The following RGPD3 variants were observed in gnomAD, a reference collection of about 807,000 sequenced individuals.
The protein encoded by RGPD3 is RANBP2 like and GRIP domain containing 3.
RGPD3 carries 62 observed loss-of-function variants against 154.5 expected under a neutral mutation model. The ratio of observed to expected loss-of-function variants is 0.40; its 90% CI spans 0.33 to 0.50. The LOEUF (loss-of-function observed/expected upper bound fraction) is 0.50. Ranked by LOEUF, RGPD3 falls within the 20% of genes least tolerant of loss-of-function variation. The pLI is 0.59. For synonymous variants in RGPD3, 308 were observed against 607.0 expected, an observed-to-expected ratio of 0.51 and a Z score of 7.24; for missense variants, 919 against 1,716.8, an observed-to-expected ratio of 0.54 and a Z score of 8.21.
intron 20 of RGPD3, among the ~76,000 whole-genome samples, chr2:106,420,626 A>G (rs1352572719): frequency 6.6e-6 from 1 of 152,292 alleles, no homozygotes; most frequent in African/African-American, 2.4e-5. Context: ...ATAATGTAAA[A>G]TATCATTAAT....
In RGPD3 at chr2:106,457,028, G is replaced by A. The variant is rs1678246583; in HGVS notation, c.348C>T (p.Tyr116=). The change falls in exon 4 of 23, where the codon TAC becomes TAT. Residue 116 remains tyrosine, a synonymous_variant. Transcript: ENST00000409886. ...KNDVTDGRAE[Y]WVERAAKLFP... ...AAAGTTTTGCTGCTCTTTCCACCCA[G>A]TATTCTGCTCTTCCATCAGTAACAT... is the stretch of plus-strand genomic sequence containing the variant. 6.2e-7 allele frequency: 1 copy of A among 1,611,356 alleles called. No homozygotes were observed. Among genetic ancestry groups the A allele is most frequent in the Non-Finnish European group, 8.5e-7 (1 of 1,179,586 alleles).
At chr2:106,440,392 C>T (rs1677701468) in intron 8 of RGPD3, among the ~76,000 whole-genome samples, 2 of 151,222 alleles carry the variant, frequency 1.3e-5, no homozygotes, top group African/African-American at 4.9e-5. Flanking sequence ...TACAGAGGCA[C>T]CCTCGGGATG....
chr2:106,469,930 A>G (rs1462473023), upstream of RGPD3, among the ~76,000 whole-genome samples: 1 of 152,232 alleles, frequency 6.6e-6, no homozygotes, highest in Non-Finnish European at 1.5e-5. Context: ...TGCCCTGTCA[A>G]TTGCATTCAG....
rs1403218356 is a variant in RGPD3, at chr2:106,418,234, G to A, written c.4925-2245C>T. 2.7e-5 allele frequency among the ~76,000 whole-genome samples: 4 copies of A among 146,000 alleles called. 1 individual carries two copies. In the East Asian group the frequency reaches 1.2e-3, roughly 44 times the overall value. On this transcript the variant is annotated intron_variant, in intron 20 of 22. Coordinates refer to ENST00000409886, the MANE Select transcript of RGPD3 (RefSeq NM_001144013.2). ...TGCTACTAGCTAAGACAAACTGTTAGATAACACAGCTCATAATATAGTACT... is the reference window on the plus strand; with the variant it reads ...TGCTACTAGCTAAGACAAACTGTTAAATAACACAGCTCATAATATAGTACT...
Position 106,424,115 on chromosome 2 carries a change from G to T in RGPD3, c.3852C>A (p.His1284Gln). 3 of 1,565,490 alleles carry T rather than the reference G, an allele frequency of 1.9e-6. 1 individual carries two copies. The African/African-American group carries it at 4.1e-5, about 21-fold the overall frequency. Residue 1284 changes from histidine to glutamine, a missense_variant, in exon 20 of 23, where the codon CAC becomes CAA. Transcript: ENST00000409886. ...TAGATCCTGTTGTTGACTCATCAAA[G>T]TGGAAAAGATTTTTTCTCACAGGGC... The part of the protein sequence containing the change: ...ASSPVRKNLF[H>Q]FDESTTGSNF...
rs921952158 is a variant in RGPD3 at position 106,418,143 on chromosome 2, CA to C, written c.4925-2155del. 4.0e-4 allele frequency among the ~76,000 whole-genome samples: 57 copies of C among 142,640 alleles called. 6 individuals carry two copies. Among genetic ancestry groups the C allele is most frequent in the Middle Eastern group, 3.5e-3 (1 of 282 alleles). The allele number at this position is 142,640 out of a possible 152,430, so 93.6% of individuals were successfully genotyped here. A position where few individuals can be genotyped will look rare whatever the true frequency, so the allele number is the denominator to read the frequency against. On this transcript the variant is annotated intron_variant, in intron 20 of 22. Coordinates refer to ENST00000409886, the MANE Select transcript of RGPD3 (RefSeq NM_001144013.2). ...CTCCAGCTCAAAACAAAAAAACAAA[CA>C]AAAAAAAACTTAGTCATCAAACTTT...
chr2:106,455,003 A>C (rs1187191926), intron 4 of RGPD3, among the ~76,000 whole-genome samples: 1 of 151,588 alleles, frequency 6.6e-6, no homozygotes. Flanking sequence ...AATGCCCCTC[A>C]AAAGTGAATG....
chr2:106,450,642 C>T (rs1678084617), intron 6 of RGPD3, among the ~76,000 whole-genome samples: 1 of 84,166 alleles, frequency 1.2e-5, no homozygotes, highest in Admixed American at 1.8e-4. Context: ...AATTGTGAAG[C>T]TTGCAGTGAG....
At chr2:106,466,250 G>A (rs1200142745) in intron 1 of RGPD3, among the ~76,000 whole-genome samples, 2 of 152,094 alleles carry the variant, frequency 1.3e-5, no homozygotes. Flanking sequence ...CTCTTCCTGC[G>A]CTTGCAAGCG....
At position 106,457,096 on chromosome 2, in the gene RGPD3, T is replaced by C. The variant is rs752463401; in HGVS notation, c.280A>G (p.Lys94Glu). Residue 94 changes from lysine (K) to glutamate (E), a missense_variant, in exon 4 of 23, where the codon AAA becomes GAA. Physicochemically the swap from Lys to Glu is moderately conservative, Grantham distance 56. Coordinates refer to ENST00000409886, the MANE Select transcript of RGPD3 (RefSeq NM_001144013.2). ...TCTGCAATCTTCAACACAAGATCTT[T>C]TTGTGTTGGGTTTAATTCCACTGAA... The part of the protein sequence containing the change: ...RRSVELNPTQ[K>E]DLVLKIAELL... 6.2e-7 allele frequency: 1 copy of C among 1,611,192 alleles called. No individual in the cohort carries two copies. Among genetic ancestry groups the C allele is most frequent in the East Asian group, 2.2e-5 (1 of 44,774 alleles).
chr2:106,449,554 A>C, intron 6 of RGPD3, among the ~76,000 whole-genome samples: 1 of 151,274 alleles, frequency 6.6e-6, no homozygotes, highest in Non-Finnish European at 1.5e-5. Flanking sequence ...TATTTGTTTT[A>C]ATTTCTAATG....
intron 7 of RGPD3, among the ~76,000 whole-genome samples, chr2:106,442,513 G>C (rs1412165323): frequency 2.6e-5 from 3 of 117,306 alleles, no homozygotes; most frequent in African/African-American, 6.4e-5. Flanking sequence ...AAAAAAAAAA[G>C]CATGATGAAT....
rs866103860 is a variant in RGPD3, at chr2:106,446,859, C to A, written c.978+559G>T. Among the ~76,000 whole-genome samples the A allele has an allele frequency of 8.8e-4, 132 of 150,694 alleles. 1 individual carries two copies. The Middle Eastern group carries it at 0.017, about 20-fold the overall frequency. On this transcript the variant is annotated intron_variant, in intron 7 of 22. Coordinates refer to ENST00000409886, the MANE Select transcript of RGPD3 (RefSeq NM_001144013.2). Reference sequence around the variant, plus strand: ...ATCACGCCACTGCACTCCAGCCTGGCGACAGAGAGAGACTTGGTCTCAAAA... The same window carrying A: ...ATCACGCCACTGCACTCCAGCCTGGAGACAGAGAGAGACTTGGTCTCAAAA...
Position 106,468,237 on chromosome 2 carries a change from A to G in RGPD3, c.52T>C (p.Ser18Pro), listed in dbSNP as rs1427625590. The G allele has an allele frequency of 6.2e-7, 1 of 1,607,502 alleles. No individual in the cohort carries two copies. The highest frequency in any genetic ancestry group is 1.1e-5 in the South Asian group (1 of 89,910). ...CTCACCTTTCGAGGCGACGGGGCGG[A>G]GCCCTGCACCGAGGCGACGTACCGC... Reference protein sequence around the residue: ...GERYVASVQGSAPSPRKKSTR... With the variant: ...GERYVASVQGPAPSPRKKSTR... The change falls in exon 1 of 23, where the codon TCC (serine) becomes CCC (proline). Residue 18 changes from serine to proline, a missense_variant. Coordinates refer to ENST00000409886, the MANE Select transcript of RGPD3 (RefSeq NM_001144013.2).
intron 1 of RGPD3, among the ~76,000 whole-genome samples, chr2:106,467,048 A>C: frequency 1.1e-5 from 1 of 87,406 alleles, no homozygotes; most frequent in African/African-American, 3.8e-5. Context: ...GCGCCAGGTA[A>C]CAGCGCCGGT....
chr2:106,467,755 G>C (rs1260503120), intron 1 of RGPD3, among the ~76,000 whole-genome samples: 1 of 140,826 alleles, frequency 7.1e-6, no homozygotes, highest in East Asian at 2.1e-4. Context: ...AGCAGCGCCC[G>C]TCGGGAGCCA....
At chr2:106,459,555 G>C (rs1174107177) in intron 1 of RGPD3, among the ~76,000 whole-genome samples, 2 of 150,290 alleles carry the variant, frequency 1.3e-5, no homozygotes, top group Non-Finnish European at 2.9e-5. Flanking sequence ...TGTAATCCCA[G>C]CACTTTGGGA....
chr2:106,415,674 C>CAAAA (rs879163469), intron 21 of RGPD3, among the ~76,000 whole-genome samples, 176 bp downstream of exon 21: 50 of 44,712 alleles, frequency 1.1e-3, no homozygotes, highest in South Asian at 3.0e-3. Flanking sequence ...AAGACTGTCT[C>CAAAA]AAAAAAAAAA....
At chr2:106,469,915 T>C (rs1678770533), upstream of RGPD3, among the ~76,000 whole-genome samples, 1 of 151,466 alleles carries the variant, frequency 6.6e-6, no homozygotes, top group Admixed American at 6.6e-5. Flanking sequence ...CTCAAAATCC[T>C]GTAATGCCCT....
Sources: gnomAD v4.1 joint callset for allele counts (sites outside exome capture counted in the v4.1 genomes callset) on GRCh38, gnomAD v4.1.1 for gene constraint, MANE v1.5 for transcripts, NCBI Gene and HGNC (gene_info 2026-07-23, HGNC 2026-07-21) for gene names.